Variants in CDKN2A observed in about 807,000 individuals in gnomAD.
CDKN2A encodes cyclin-dependent kinase inhibitor 2A.
CDKN2A carries 3 observed loss-of-function variants against 11.1 expected under a neutral mutation model. The ratio of observed to expected loss-of-function variants is 0.27; its 90% confidence interval spans 0.12 to 0.70. The LOEUF (loss-of-function observed/expected upper bound fraction) is 0.70, where lower values mean the gene tolerates loss of function less well. CDKN2A is among the 30% of genes least tolerant of loss of function. CDKN2A has a pLI of 0.77. For missense variants in CDKN2A, 265 were observed against 233.6 expected (o/e 1.13, Z -0.88); for synonymous variants, 122 against 108.1 (o/e 1.13, Z -0.80).
chr9:21,969,619 T>C (rs1244514591), intron 2 of CDKN2A: 2 of 391,894 alleles, frequency 5.1e-6, no homozygotes, highest in Non-Finnish European at 9.0e-6. Flanking sequence ...ATTCATTTGC[T>C]TGTGGCCCAA....
At chr9:21,987,432 C>CACACAG (rs1311413150) in intron 2 of CDKN2A, among the ~76,000 whole-genome samples, 28 of 138,272 alleles carry the variant, frequency 2.0e-4, no homozygotes, top group African/African-American at 7.3e-4. Flanking sequence ...CACACACACA[C>CACACAG]AGAGAGAGAG....
At chr9:21,990,381 A>T (rs1241155965) in intron 2 of CDKN2A, among the ~76,000 whole-genome samples, 1 of 152,080 alleles carries the variant, frequency 6.6e-6, no homozygotes, top group East Asian at 1.9e-4. Context: ...ACACTTAAAC[A>T]ACTCAGTTTC....
At chr9:21,973,006 G>C (rs1054062579) in intron 1 of CDKN2A, among the ~76,000 whole-genome samples, 2 of 152,104 alleles carry the variant, frequency 1.3e-5, no homozygotes, top group Non-Finnish European at 2.9e-5. Context: ...AAGTGAAACT[G>C]ACTCAGTTTT....
exon 2 of CDKN2A, chr9:21,993,958 G>C (rs1207338345): frequency 2.8e-6 from 2 of 703,072 alleles, no homozygotes; most frequent in Admixed American, 2.2e-5. Flanking sequence ...GGGAGGTCCA[G>C]GTTCAATGGT....
chr9:21,990,775 AC>A (rs1317939305), intron 2 of CDKN2A, among the ~76,000 whole-genome samples: 1 of 152,194 alleles, frequency 6.6e-6, no homozygotes, highest in Non-Finnish European at 1.5e-5. Flanking sequence ...ATAATTTAAC[AC>A]TTTATTGCTA....
chr9:21,975,165 G>T (rs1819987863), upstream of CDKN2A: 1 of 1,167,170 alleles, frequency 8.6e-7, no homozygotes, highest in Non-Finnish European at 1.1e-6. Flanking sequence ...AAGGAGGACT[G>T]GGCTCCTCCC....
In CDKN2A at chr9:21,971,575, A is replaced by ATTTTTTTTTT. The variant is rs59981968; in HGVS notation, c.151-377_151-368dup. Among the ~76,000 whole-genome samples the ATTTTTTTTTT allele has an allele frequency of 3.4e-3, 382 of 111,328 alleles. 23 individuals are homozygous for ATTTTTTTTTT. The highest frequency in any genetic ancestry group is 9.3e-3 in the African/African-American group (212 of 22,882). The allele number at this position is 111,328 out of a possible 152,430, so 73.0% of individuals were successfully genotyped here. A position where few individuals can be genotyped will look rare whatever the true frequency, so the allele number is the denominator to read the frequency against. On this transcript the variant is annotated intron_variant, in intron 1 of 2. Transcript: ENST00000304494. Reference sequence around the variant, plus strand: ...TCCTGAAATTATGTTAGGCCTGGAGATTTTTTTTTTTTTTTTTGTTCACTG... The same window carrying ATTTTTTTTTT: ...TCCTGAAATTATGTTAGGCCTGGAGATTTTTTTTTTTTTTTTTTTTTTTTTTTGTTCACTG...
At position 21,968,221 on chromosome 9, in the gene CDKN2A, T is replaced by C. The variant is rs763795863; in HGVS notation, c.*8A>G. Reference sequence around the variant, plus strand: ...TTCCCGAGGTTTCTCAGAGCCTCTCTGGTTCTTTCAATCGGGGATGTCTGC... The same window carrying C: ...TTCCCGAGGTTTCTCAGAGCCTCTCCGGTTCTTTCAATCGGGGATGTCTGC... On this transcript the variant is annotated 3_prime_UTR_variant, in exon 3 of 3. Transcript: ENST00000304494. The surrounding 1 kb of genome is among the most constrained non-coding windows in gnomAD (Gnocchi z 4.7). The C allele has an allele frequency of 1.2e-6, 2 of 1,613,792 alleles. No homozygotes were observed. The highest frequency in any genetic ancestry group is 2.2e-5 in the South Asian group (2 of 91,068).
chr9:21,970,353 A>C (rs1337159159), intron 2 of CDKN2A: 1 of 264,898 alleles, frequency 3.8e-6, no homozygotes, highest in Non-Finnish European at 7.2e-6. Flanking sequence ...CCCCTGGGGC[A>C]GCTCTGGAAA....
rs1415823079 is a variant in CDKN2A, at chr9:21,992,693, T to TAATA, written c.-4+1185_-4+1188dup. Among the ~76,000 whole-genome samples, 8 of 152,142 alleles carry TAATA rather than the reference T, an allele frequency of 5.3e-5. No homozygotes were observed. The South Asian group carries it at 1.0e-3, about 20-fold the overall frequency. ...TTACTACAGATTTTCAGAGGCAACT[T>TAATA]AATAATTTAAACAAAATGATTTTAT... On this transcript the variant is annotated intron_variant, in intron 2 of 3. Coordinates refer to the CDKN2A transcript ENST00000494262.
rs1819524457 is a variant in CDKN2A, at chr9:21,968,565, G to T, written c.458-323C>A. On this transcript the variant is annotated intron_variant, in intron 2 of 2. Coordinates refer to ENST00000304494, the MANE Select transcript of CDKN2A (RefSeq NM_000077.5). The surrounding 1 kb of genome is among the most constrained non-coding windows in gnomAD (Gnocchi z 4.7). ...CGAGTGTTATATAATGAGTCTCAGTGGTTGCTCACAATGCCAGGCGCGAAG... is the reference window on the plus strand; with the variant it reads ...CGAGTGTTATATAATGAGTCTCAGTTGTTGCTCACAATGCCAGGCGCGAAG... The T allele has an allele frequency of 2.0e-6, 3 of 1,463,482 alleles. No individual in the cohort carries two copies. Among genetic ancestry groups the T allele is most frequent in the Admixed American group, 2.5e-5 (1 of 39,902 alleles). 90.7% of individuals were successfully genotyped at this position (1,463,482 alleles called of 1,614,324 possible).
intron 2 of CDKN2A, chr9:21,969,457 AG>A: frequency 3.1e-6 from 1 of 325,580 alleles, no homozygotes; most frequent in Non-Finnish European, 5.6e-6. Flanking sequence ...CACCTAGAAC[AG>A]GGCTGATCAC....
chr9:21,971,289 G>A (rs1214405962), intron 1 of CDKN2A, 81 bp from the exon 2 acceptor site: 1 of 1,539,178 alleles, frequency 6.5e-7, no homozygotes, highest in Non-Finnish European at 8.7e-7. Context: ...CCCCCTCACC[G>A]CCAAGCAGAC....
Position 21,974,315 on chromosome 9 carries a change from G to T in CDKN2A, c.150+363C>A. The T allele has an allele frequency of 1.9e-6, 2 of 1,074,516 alleles. No individual in the cohort carries two copies. Among genetic ancestry groups the T allele is most frequent in the Non-Finnish European group, 2.5e-6 (2 of 789,494 alleles). The allele number at this position is 1,074,516 out of a possible 1,614,324, so 66.6% of individuals were successfully genotyped here. A position where few individuals can be genotyped will look rare whatever the true frequency, so the allele number is the denominator to read the frequency against. ...CCATCCAGGTATCTGTGAATTGGAG[G>T]CTAAGTAGTCCCAGCACATCTTACA... is the stretch of plus-strand genomic sequence containing the variant. On this transcript the variant is annotated intron_variant, in intron 1 of 2. Transcript: ENST00000304494. The surrounding 1 kb of genome is among the most constrained non-coding windows in gnomAD (Gnocchi z 5.2).
At chr9:21,994,348 G>A (rs1801022) in intron 1 of CDKN2A, 1 of 1,607,186 alleles carries the variant, frequency 6.2e-7, no homozygotes, top group Non-Finnish European at 8.5e-7. Context: ...GCCGCCTCCA[G>A]GGCCGAGCTC....
intron 1 of CDKN2A, chr9:21,994,371 G>A (rs750053305): frequency 3.1e-6 from 5 of 1,607,434 alleles, no homozygotes; most frequent in East Asian, 2.2e-5. Flanking sequence ...CAGCCGCTGC[G>A]CCGCCCTTTG....
intron 1 of CDKN2A, chr9:21,994,551 A>C (rs1820552793): frequency 8.8e-7 from 1 of 1,130,496 alleles, no homozygotes; most frequent in Non-Finnish European, 1.2e-6. Context: ...CCGGACCTCC[A>C]AGATCTCGGA....
At chr9:21,970,768 G>T in intron 2 of CDKN2A, 134 bp downstream of exon 2, 1 of 1,125,320 alleles carries the variant, frequency 8.9e-7, no homozygotes, top group African/African-American at 1.5e-5. Flanking sequence ...GACTCAGGCC[G>T]TCCCACCGAT....
At chr9:21,973,863 G>T (rs1002820692) in intron 1 of CDKN2A, among the ~76,000 whole-genome samples, 1 of 152,016 alleles carries the variant, frequency 6.6e-6, no homozygotes, top group Non-Finnish European at 1.5e-5. Flanking sequence ...ATATGTAGTT[G>T]CTTCTGAATA....
Sources: allele counts gnomAD v4.1 joint callset (sites outside exome capture counted in the v4.1 genomes callset), GRCh38; gene constraint gnomAD v4.1.1; non-coding constraint Gnocchi (gnomAD v3.1); transcripts MANE v1.5; gene names NCBI Gene and HGNC (gene_info 2026-07-23, HGNC 2026-07-21).